The following FAM156A variants were observed in gnomAD, a reference collection of about 807,000 sequenced individuals.
FAM156A encodes family with sequence similarity 156 member A.
At chrX:52,987,221 A>G (rs1930354985) in intron 1 of FAM156A, among the ~76,000 whole-genome samples, 2 of 112,217 alleles carry the variant, frequency 1.8e-5, no homozygotes, top group Admixed American at 9.5e-5. Flanking sequence ...TACTGTACTC[A>G]TGGATTACAG....
chrX:52,976,811 T>C (rs1929503668), intron 1 of FAM156A, among the ~76,000 whole-genome samples: 1 of 110,800 alleles, frequency 9.0e-6, no homozygotes, highest in African/African-American at 3.3e-5. Flanking sequence ...CATCACCCTG[T>C]ATTATCGAAA....
At chrX:52,985,208 A>C (rs1382727962) in intron 1 of FAM156A, among the ~76,000 whole-genome samples, 1 of 110,261 alleles carries the variant, frequency 9.1e-6, no homozygotes, top group African/African-American at 3.3e-5. Flanking sequence ...ATGTTCTCTG[A>C]TCAAAATAGG....
intron 1 of FAM156A, among the ~76,000 whole-genome samples, chrX:52,982,468 A>G (rs1431419600): frequency 1.8e-5 from 2 of 112,160 alleles, no homozygotes; most frequent in African/African-American, 6.5e-5. Flanking sequence ...ATAAATAAAT[A>G]AATAATTTTA....
intron 1 of FAM156A, among the ~76,000 whole-genome samples, chrX:52,978,114 G>A (rs1929618683): frequency 1.8e-5 from 2 of 111,647 alleles, no homozygotes; most frequent in African/African-American, 6.5e-5. Flanking sequence ...AGCTCATGAT[G>A]ATGAAACTCC....
At chrX:52,983,080 C>T (rs1556793715) in intron 1 of FAM156A, among the ~76,000 whole-genome samples, 2 of 112,355 alleles carry the variant, frequency 1.8e-5, no homozygotes, top group African/African-American at 6.5e-5. Flanking sequence ...AGAGAAACTC[C>T]ATCTCTACAA....
chrX:52,993,085 T>C (rs781963378), intron 1 of FAM156A, among the ~76,000 whole-genome samples: 2 of 111,433 alleles, frequency 1.8e-5, no homozygotes, highest in African/African-American at 6.5e-5. Context: ...CCCATCTCCC[T>C]CTCAGGTTGT....
intron 1 of FAM156A, among the ~76,000 whole-genome samples, chrX:52,976,482 A>C (rs186339324): frequency 1.8e-5 from 2 of 111,878 alleles, no homozygotes; most frequent in African/African-American, 3.2e-5. Context: ...GCTGAGTAAT[A>C]ATAAGGAAGA....
intron 1 of FAM156A, among the ~76,000 whole-genome samples, chrX:52,990,448 G>A (rs947248903): frequency 1.8e-5 from 2 of 111,391 alleles, no homozygotes; most frequent in South Asian, 7.5e-4. Context: ...CAGCAGGGCT[G>A]AGGGCTGAGG....
intron 1 of FAM156A, among the ~76,000 whole-genome samples, chrX:52,975,185 G>A (rs1273560126): frequency 1.8e-5 from 2 of 110,922 alleles, no homozygotes; most frequent in African/African-American, 3.3e-5. Flanking sequence ...ACTTTAGCTC[G>A]AGGGTGGCCT....
chrX:52,989,466 C>G (rs782669294), intron 1 of FAM156A, among the ~76,000 whole-genome samples: 8 of 112,150 alleles, frequency 7.1e-5, no homozygotes, highest in African/African-American at 2.3e-4. Flanking sequence ...ATGAGCATCC[C>G]CTGCATGTTG....
chrX:52,986,886 C>T (rs1930332076), intron 1 of FAM156A, among the ~76,000 whole-genome samples: 1 of 111,796 alleles, frequency 8.9e-6, no homozygotes, highest in South Asian at 3.6e-4. Context: ...AAATGGCTTA[C>T]AGATTGGAAA....
chrX:52,983,617 AAACCC>A (rs1930061936), intron 1 of FAM156A, among the ~76,000 whole-genome samples: 1 of 111,959 alleles, frequency 8.9e-6, no homozygotes, highest in South Asian at 3.7e-4. Context: ...GAGGAGAGAG[AAACCC>A]AAATTTTTAA....
chrX:52,989,599 G>A (rs61658458), intron 1 of FAM156A, among the ~76,000 whole-genome samples: 83 of 112,617 alleles, frequency 7.4e-4, no homozygotes, highest in African/African-American at 2.6e-3. Flanking sequence ...TCACCCCACA[G>A]CTGTGCACCC....
chrX:52,985,923 T>A lies in FAM156A; in HGVS notation c.-434+9383A>T, dbSNP rs75533838. On this transcript the variant is annotated intron_variant, in intron 1 of 4. Coordinates refer to the FAM156A transcript ENST00000610625. Reference sequence around the variant, plus strand: ...AAACTCTGTCTCTACTAAAAAAAAATAATAATAATAATAAAATAAACCAAT... The same window carrying A: ...AAACTCTGTCTCTACTAAAAAAAAAAAATAATAATAATAAAATAAACCAAT... Among the ~76,000 whole-genome samples the A allele has an allele frequency of 4.5e-3, 493 of 109,105 alleles. 14 individuals carry two copies. The East Asian group carries it at 0.086, about 19-fold the overall frequency. 94.7% of individuals were successfully genotyped at this position (109,105 alleles called of 115,157 possible).
intron 1 of FAM156A, among the ~76,000 whole-genome samples, chrX:52,974,770 CTT>C (rs1328195417): frequency 3.6e-5 from 4 of 110,972 alleles, no homozygotes; most frequent in African/African-American, 1.3e-4. Flanking sequence ...TGCAAAACAT[CTT>C]TGTCCTTGGT....
At chrX:52,982,845 G>A (rs1369284292) in intron 1 of FAM156A, among the ~76,000 whole-genome samples, 3 of 112,846 alleles carry the variant, frequency 2.7e-5, no homozygotes, top group Admixed American at 9.3e-5. Context: ...TTTATTTCAC[G>A]AGCAGGCTGG....
At chrX:52,988,134 A>G (rs1387724490) in intron 1 of FAM156A, among the ~76,000 whole-genome samples, 1 of 109,137 alleles carries the variant, frequency 9.2e-6, no homozygotes, top group Admixed American at 9.8e-5. Flanking sequence ...CCAGCTACTC[A>G]GGAGGCTGAG....
chrX:52,981,688 T>A (rs1602051083), intron 1 of FAM156A, among the ~76,000 whole-genome samples: 1 of 112,117 alleles, frequency 8.9e-6, no homozygotes, highest in East Asian at 2.8e-4. Context: ...CATCTGTAGA[T>A]GTTCTGCATG....
At chrX:52,986,805 T>C (rs1363442434) in intron 1 of FAM156A, among the ~76,000 whole-genome samples, 1 of 111,711 alleles carries the variant, frequency 9.0e-6, no homozygotes, top group African/African-American at 3.3e-5. Flanking sequence ...ACAAGGTTGC[T>C]CATTCTCACC....
Sources: gnomAD v4.1 joint callset for allele counts (sites outside exome capture counted in the v4.1 genomes callset) on GRCh38, gnomAD v4.1.1 for gene constraint, MANE v1.5 for transcripts, NCBI Gene and HGNC (gene_info 2026-07-23, HGNC 2026-07-21) for gene names.